Variants in EPHA6 observed in about 807,000 individuals in gnomAD.
EPHA6 encodes ephrin type-A receptor 6.
A neutral mutation model predicts 112.0 loss-of-function variants in EPHA6; 50 were observed. That is an observed-to-expected ratio of 0.45 (90% CI 0.36 to 0.56). The LOEUF is 0.56. Among genes scored for constraint, EPHA6 ranks in the 20% least tolerant of loss-of-function variants. The probability of loss-of-function intolerance (pLI) is 0.00; values close to 1 mark genes in which losing one functional copy is unlikely to be tolerated. For missense variants in EPHA6, 1,280 were observed against 1,417.4 expected, an observed-to-expected ratio of 0.90 and a Z score of 1.56; for synonymous variants, 529 against 490.7, an observed-to-expected ratio of 1.08 and a Z score of -1.03.
intron 10 of EPHA6, among the ~76,000 whole-genome samples, chr3:97,517,688 C>T (rs770737918): frequency 1.3e-5 from 2 of 152,034 alleles, no homozygotes; most frequent in Admixed American, 6.6e-5. Flanking sequence ...ATCATTAAAG[C>T]TTATTTCTAC....
chr3:97,632,353 C>T (rs1181384725), intron 13 of EPHA6, among the ~76,000 whole-genome samples: 1 of 152,040 alleles, frequency 6.6e-6, no homozygotes, highest in Admixed American at 6.6e-5. Flanking sequence ...AAGATATGCT[C>T]ATTGTTCTCG....
At chr3:97,248,992 CA>C (rs2079059065) in intron 5 of EPHA6, among the ~76,000 whole-genome samples, 1 of 150,514 alleles carries the variant, frequency 6.6e-6, no homozygotes, top group East Asian at 1.9e-4. Flanking sequence ...ACTGTGTTTT[CA>C]AAAATGCTCA....
At chr3:97,158,032 A>G (rs1187747661) in intron 3 of EPHA6, among the ~76,000 whole-genome samples, 1 of 152,174 alleles carries the variant, frequency 6.6e-6, no homozygotes, top group African/African-American at 2.4e-5. Flanking sequence ...CCAAAAAAAG[A>G]CAATAACAAG....
chr3:97,419,740 A>G (rs994177310), intron 6 of EPHA6, among the ~76,000 whole-genome samples: 1 of 152,166 alleles, frequency 6.6e-6, no homozygotes, highest in Non-Finnish European at 1.5e-5. Context: ...TAAAAAAACA[A>G]AGACAAAATA....
chr3:97,754,011 T>A lies in EPHA6; in HGVS notation c.*5310T>A, dbSNP rs370031034. 2.0e-5 allele frequency among the ~76,000 whole-genome samples: 3 copies of A among 152,020 alleles called. No individual in the cohort carries two copies. In the East Asian group the frequency reaches 5.8e-4, roughly 29 times the overall value. On this transcript the variant is annotated 3_prime_UTR_variant, in exon 18 of 18. Coordinates refer to ENST00000389672, the MANE Select transcript of EPHA6 (RefSeq NM_001080448.3). ...CAAAATGTAGTTTTAACAAATCATC[T>A]TTTTCTGAGTAATAAATTAGCTTCA...
intron 11 of EPHA6, among the ~76,000 whole-genome samples, chr3:97,540,298 T>G (rs56968871): frequency 9.8e-5 from 15 of 152,322 alleles, no homozygotes; most frequent in African/African-American, 3.6e-4. Flanking sequence ...GGAATTATAA[T>G]GTACACATAT....
chr3:96,913,805 A>G (rs1421791675), intron 2 of EPHA6, among the ~76,000 whole-genome samples: 1 of 152,158 alleles, frequency 6.6e-6, no homozygotes, highest in Non-Finnish European at 1.5e-5. Flanking sequence ...TAAAGATAAC[A>G]AAAAAATCAC....
At chr3:97,092,230 A>T (rs1480163470) in intron 3 of EPHA6, among the ~76,000 whole-genome samples, 1 of 152,058 alleles carries the variant, frequency 6.6e-6, no homozygotes. Context: ...CTTTTATTTA[A>T]CAGTGTGTGT....
chr3:97,189,947 C>G (rs2077256412), intron 3 of EPHA6, among the ~76,000 whole-genome samples: 1 of 149,114 alleles, frequency 6.7e-6, no homozygotes, highest in South Asian at 2.1e-4. Flanking sequence ...GTAGATCTCC[C>G]TTCTAGTTGG....
chr3:97,010,427 A>C (rs577111650), intron 3 of EPHA6, among the ~76,000 whole-genome samples: 2 of 152,222 alleles, frequency 1.3e-5, no homozygotes, highest in Non-Finnish European at 2.9e-5. Context: ...AAAGCTTAAA[A>C]TATTTACTAT....
chr3:97,193,809 T>C (rs1489264308), intron 3 of EPHA6, among the ~76,000 whole-genome samples: 1 of 152,044 alleles, frequency 6.6e-6, no homozygotes, highest in African/African-American at 2.4e-5. Flanking sequence ...TATTTAGGTA[T>C]GTTTCTTCTA....
intron 14 of EPHA6, among the ~76,000 whole-genome samples, chr3:97,652,634 A>T: frequency 6.6e-6 from 1 of 151,918 alleles, no homozygotes; most frequent in East Asian, 1.9e-4. Context: ...TATTGCTTTG[A>T]ATATGGTTTT....
At chr3:97,000,402 T>A (rs2043610073) in intron 3 of EPHA6, among the ~76,000 whole-genome samples, 1 of 151,484 alleles carries the variant, frequency 6.6e-6, no homozygotes, top group Non-Finnish European at 1.5e-5. Flanking sequence ...GGAGTTAAAA[T>A]ATTGTTTAAA....
At position 97,666,097 on chromosome 3, in the gene EPHA6, A is replaced by G. The variant is rs113023225; in HGVS notation, c.2784+28015A>G. ...AGAATACACATGAATGCCTTGAATC[A>G]TCTGACGCCTTGCCTTGAATTTTGT... On this transcript the variant is annotated intron_variant, in intron 14 of 17. Coordinates refer to ENST00000389672, the MANE Select transcript of EPHA6 (RefSeq NM_001080448.3). Among the ~76,000 whole-genome samples, 518 of 151,504 alleles carry G rather than the reference A, an allele frequency of 3.4e-3. 5 individuals are homozygous for G. Among genetic ancestry groups the G allele is most frequent in the African/African-American group, 0.012 (486 of 41,340 alleles).
chr3:97,206,639 C>G (rs1039561573), intron 3 of EPHA6, among the ~76,000 whole-genome samples: 1 of 151,964 alleles, frequency 6.6e-6, no homozygotes, highest in African/African-American at 2.4e-5. Context: ...CTTGTTGAAA[C>G]TCCAGGTGTT....
chr3:97,369,873 A>G (rs1047490567), intron 5 of EPHA6, among the ~76,000 whole-genome samples: 1 of 152,228 alleles, frequency 6.6e-6, no homozygotes, highest in African/African-American at 2.4e-5. Flanking sequence ...ATATAACAGC[A>G]ATCTACCAGA....
At position 97,425,502 on chromosome 3, in the gene EPHA6, A is replaced by G. The variant is rs1577355398; in HGVS notation, c.1731+20228A>G. 2.0e-5 allele frequency among the ~76,000 whole-genome samples: 3 copies of G among 152,202 alleles called. No homozygotes were observed. The East Asian group carries it at 5.8e-4, about 29-fold the overall frequency. On this transcript the variant is annotated intron_variant, in intron 6 of 17. Transcript: ENST00000389672. ...GCCATGGCTGGAGTGGCTGGGATGC[A>G]GGGCACCAAGTCCCTAGGCTGTGCA...
chr3:97,104,156 TG>T (rs374505421), intron 3 of EPHA6, among the ~76,000 whole-genome samples: 4 of 152,282 alleles, frequency 2.6e-5, no homozygotes, highest in African/African-American at 7.2e-5. Flanking sequence ...CTTGCCTGAT[TG>T]CTCTAGCCAG....
At chr3:97,462,256 G>A (rs1391330105) in intron 7 of EPHA6, among the ~76,000 whole-genome samples, 2 of 152,006 alleles carry the variant, frequency 1.3e-5, no homozygotes, top group African/African-American at 4.8e-5. Flanking sequence ...TAAAACTATG[G>A]AGAACACATA....
Sources: gnomAD v4.1 joint callset for allele counts (sites outside exome capture counted in the v4.1 genomes callset) on GRCh38, gnomAD v4.1.1 for gene constraint, MANE v1.5 for transcripts, NCBI Gene and HGNC (gene_info 2026-07-23, HGNC 2026-07-21) for gene names.